The following TRIM33 variants were observed in gnomAD, a reference collection of about 807,000 sequenced individuals.
The protein encoded by TRIM33 is tripartite motif containing 33, also known as E3 ubiquitin-protein ligase TRIM33.
TRIM33 carries 20 observed loss-of-function variants against 125.4 expected under a neutral mutation model. The ratio of observed to expected loss-of-function variants is 0.16; its 90% CI spans 0.11 to 0.23. The LOEUF is 0.23. TRIM33 is among the 10% of genes least tolerant of loss of function. TRIM33 has a pLI of 1.00. For missense variants in TRIM33, 920 were observed against 1,411.4 expected (o/e 0.65, Z 5.58); for synonymous variants, 564 against 513.9 (o/e 1.10, Z -1.32).
intron 1 of TRIM33, among the ~76,000 whole-genome samples, chr1:114,482,060 T>C: frequency 6.6e-6 from 1 of 152,150 alleles, no homozygotes; most frequent in East Asian, 1.9e-4. Context: ...AACAAAACTT[T>C]CTGCCATGAC....
In TRIM33 at chr1:114,511,152, C is replaced by T. The variant is rs1570701412; in HGVS notation, c.-76G>A. 4 of 1,056,444 alleles carry T rather than the reference C, an allele frequency of 3.8e-6. No individual in the cohort carries two copies. The highest frequency in any genetic ancestry group is 4.6e-6 in the Non-Finnish European group (4 of 876,714). The allele number at this position is 1,056,444 out of a possible 1,614,324, so 65.4% of individuals were successfully genotyped here. ...TCGCCGCCGCCGCCGCCCCCAGCCC[C>T]AGCCGCAGCCGCAGCAAGAGCGGCA... On this transcript the variant is annotated 5_prime_UTR_variant, in exon 1 of 20. Coordinates refer to ENST00000358465, the MANE Select transcript of TRIM33 (RefSeq NM_015906.4).
At position 114,395,618 on chromosome 1, in the gene TRIM33, GAAA is replaced by G; in HGVS notation, c.*2027_*2029del. On this transcript the variant is annotated 3_prime_UTR_variant, in exon 20 of 20. Coordinates refer to ENST00000358465, the MANE Select transcript of TRIM33 (RefSeq NM_015906.4). ...TACAAACTGAAATCATGGATTTTGTGAAAAAAGAGGGAAATTGGCATAGGCATA... is the reference window on the plus strand; with the variant it reads ...TACAAACTGAAATCATGGATTTTGTGAAAGAGGGAAATTGGCATAGGCATA... 1 of 198,700 alleles carries G rather than the reference GAAA, an allele frequency of 5.0e-6. No homozygotes were observed. Among genetic ancestry groups the G allele is most frequent in the Non-Finnish European group, 1.0e-5 (1 of 96,130 alleles). The allele number at this position is 198,700 out of a possible 1,614,324, so 12.3% of individuals were successfully genotyped here.
Position 114,506,383 on chromosome 1 carries a change from C to CAAAA in TRIM33, c.526+4164_526+4167dup, listed in dbSNP as rs370539194. On this transcript the variant is annotated intron_variant, in intron 1 of 19. Coordinates refer to ENST00000358465, the MANE Select transcript of TRIM33 (RefSeq NM_015906.4). The stretch of plus-strand genomic sequence containing the variant: ...GGGTGACAAGAGTAAAAAACTGTCT[C>CAAAA]AAAAAAAAAAAAAAAAAAATAGCAG... Among the ~76,000 whole-genome samples the CAAAA allele has an allele frequency of 4.2e-3, 376 of 89,876 alleles. 1 individual carries two copies. The highest frequency in any genetic ancestry group is 0.012 in the African/African-American group (325 of 27,326). The allele number at this position is 89,876 out of a possible 152,430, so 59.0% of individuals were successfully genotyped here.
Position 114,397,744 on chromosome 1 carries a change from C to G in TRIM33, c.3288G>C (p.Glu1096Asp). The part of the protein sequence containing the change: ...FAPLPEFEQE[E>D]DDGEVTEDSD... ...AGTCCTCAGTTACCTCACCATCATC[C>G]TCTTCCTGCTCAAACTCTGGCAAAG... The change falls in exon 20 of 20, where the codon GAG becomes GAC. Residue 1096 changes from glutamate to aspartate, a missense_variant. Transcript: ENST00000358465. 1 of 1,613,762 alleles carries G rather than the reference C, an allele frequency of 6.2e-7. No individual in the cohort carries two copies. Among genetic ancestry groups the G allele is most frequent in the Non-Finnish European group, 8.5e-7 (1 of 1,179,914 alleles).
At position 114,428,893 on chromosome 1, in the gene TRIM33, C is replaced by G. The variant is rs116705091; in HGVS notation, c.1156-999G>C. On this transcript the variant is annotated intron_variant, in intron 6 of 19. Transcript: ENST00000358465. ...TTTTTTTAACAGAGTCTCACTCTGT[C>G]CCCCAGGCTGGAGTGCAGTGGTGCA... is the stretch of plus-strand genomic sequence containing the variant. Among the ~76,000 whole-genome samples, 813 of 151,726 alleles carry G rather than the reference C, an allele frequency of 5.4e-3. 9 individuals carry two copies. The highest frequency in any genetic ancestry group is 0.019 in the African/African-American group (767 of 41,342).
rs896320770 is a variant in TRIM33, at chr1:114,397,582, TTTTTGTG to T, written c.*59_*65del. On this transcript the variant is annotated 3_prime_UTR_variant, in exon 20 of 20. Transcript: ENST00000358465. ...AGCAACACTTAAAAGTTTTCTGGGT[TTTTTGTG>T]TTTTTTTTTTTTTTTTCGTTTTTTT... is the stretch of plus-strand genomic sequence containing the variant. The T allele has an allele frequency of 2.5e-5, 31 of 1,252,148 alleles. 2 individuals carry two copies. In the African/African-American group the frequency reaches 4.7e-4, roughly 19 times the overall value. The allele number at this position is 1,252,148 out of a possible 1,614,324, so 77.6% of individuals were successfully genotyped here.
chr1:114,399,933 TTTTC>T (rs1259437005), intron 17 of TRIM33, among the ~76,000 whole-genome samples: 2 of 152,094 alleles, frequency 1.3e-5, no homozygotes, highest in East Asian at 3.9e-4. Flanking sequence ...CCTTAGGAGT[TTTTC>T]TTTTTTTTTT....
rs565865775 is a variant in TRIM33, at chr1:114,479,656, T to C, written c.527-15268A>G. Among the ~76,000 whole-genome samples, 88 of 152,334 alleles carry C rather than the reference T, an allele frequency of 5.8e-4. 1 individual carries two copies. The highest frequency in any genetic ancestry group is 2.1e-3 in the African/African-American group (87 of 41,568). On this transcript the variant is annotated intron_variant, in intron 1 of 19. Transcript: ENST00000358465. ...GATGACAGGAAATAAAACCAGACTA[T>C]ATAAATGTAACAATCATGACTATAA... is the stretch of plus-strand genomic sequence containing the variant.
Position 114,463,556 on chromosome 1 carries a change from C to A in TRIM33, c.646G>T (p.Val216Leu), listed in dbSNP as rs777984774. ...PSSSDEKSEQ[V>L]CTSCEDNASA... ...GCATTGTCTTCACAACTAGTACATACCTAAAAGAAGAAATAAGCACTAATC... is the reference window on the plus strand; with the variant it reads ...GCATTGTCTTCACAACTAGTACATAACTAAAAGAAGAAATAAGCACTAATC... Residue 216 changes from valine to leucine, a missense_variant and splice_region_variant, in exon 3 of 20, where the codon GTA (valine) becomes TTA (leucine). Val to Leu is a conservative substitution (Grantham distance 32, BLOSUM62 1). Transcript: ENST00000358465. 1.3e-6 allele frequency: 2 copies of A among 1,580,820 alleles called. No individual in the cohort carries two copies. Among genetic ancestry groups the A allele is most frequent in the African/African-American group, 1.4e-5 (1 of 73,232 alleles).
chr1:114,480,474 T>C (rs1651250595), intron 1 of TRIM33, among the ~76,000 whole-genome samples: 1 of 81,656 alleles, frequency 1.2e-5, no homozygotes, highest in Non-Finnish European at 2.2e-5. Flanking sequence ...GAATGATCAA[T>C]TTAAAAAAAA....
chr1:114,431,363 T>A (rs189523005), intron 5 of TRIM33, among the ~76,000 whole-genome samples: 1 of 152,226 alleles, frequency 6.6e-6, no homozygotes, highest in Non-Finnish European at 1.5e-5. Flanking sequence ...CATTTATAAC[T>A]TAGCCACTTC....
intron 4 of TRIM33, among the ~76,000 whole-genome samples, chr1:114,445,827 T>C (rs1342524086): frequency 2.0e-5 from 3 of 152,126 alleles, no homozygotes; most frequent in Non-Finnish European, 2.9e-5. Context: ...CCCAGAATTC[T>C]AGAGCAAATT....
intron 11 of TRIM33, among the ~76,000 whole-genome samples, chr1:114,416,133 TA>T (rs1268019341): frequency 6.6e-6 from 1 of 152,146 alleles, no homozygotes; most frequent in Non-Finnish European, 1.5e-5. Flanking sequence ...AGTGCATTAA[TA>T]GTGATCCAAG....
chr1:114,411,225 T>A (rs75865673), intron 11 of TRIM33, among the ~76,000 whole-genome samples: 112 of 151,946 alleles, frequency 7.4e-4, no homozygotes, highest in African/African-American at 2.5e-3. Context: ...GTTTTTTTTT[T>A]ATAGAGATGG....
chr1:114,419,794 A>G (rs1295542458), intron 11 of TRIM33, among the ~76,000 whole-genome samples: 1 of 152,192 alleles, frequency 6.6e-6, no homozygotes, highest in Non-Finnish European at 1.5e-5. Flanking sequence ...ATGTGAGATG[A>G]GGGATATGTT....
chr1:114,483,536 C>A (rs113806169), intron 1 of TRIM33, among the ~76,000 whole-genome samples: 9,491 of 151,766 alleles, frequency 0.063, 319 homozygotes, highest in African/African-American at 0.086. Context: ...CTCAGCCTCC[C>A]GAGTAGCTGC....
At chr1:114,422,395 C>T (rs1198270145) in intron 10 of TRIM33, among the ~76,000 whole-genome samples, 2 of 152,062 alleles carry the variant, frequency 1.3e-5, no homozygotes, top group South Asian at 2.1e-4. Context: ...CCTAGAAATA[C>T]TTGAAGGCCT....
Position 114,405,424 on chromosome 1 carries a change from T to C in TRIM33, c.2754A>G (p.Leu918=), listed in dbSNP as rs780776922. 2 of 1,608,302 alleles carry C rather than the reference T, an allele frequency of 1.2e-6. No individual in the cohort carries two copies. Among genetic ancestry groups the C allele is most frequent in the Non-Finnish European group, 8.5e-7 (1 of 1,177,548 alleles). The change falls in exon 15 of 20, where the codon CTA becomes CTG. Residue 918 remains leucine, a synonymous_variant. Transcript: ENST00000358465. ...VFHLTCHVPT[L]LSFPSGDWIC... The stretch of plus-strand genomic sequence containing the variant: ...TTCACTGGTACCTTGGAAAGCTAAG[T>C]AGTGTTGGAACATGACAAGTTAGAT...
At chr1:114,503,023 T>C (rs1363712081) in intron 1 of TRIM33, among the ~76,000 whole-genome samples, 1 of 152,154 alleles carries the variant, frequency 6.6e-6, no homozygotes, top group Non-Finnish European at 1.5e-5. Flanking sequence ...GCTAAGTATC[T>C]AAGAAAAGGG....
Sources: allele counts gnomAD v4.1 joint callset (sites outside exome capture counted in the v4.1 genomes callset), GRCh38; gene constraint gnomAD v4.1.1; transcripts MANE v1.5; gene names NCBI Gene and HGNC (gene_info 2026-07-23, HGNC 2026-07-21).